The following USP19 variants were observed in gnomAD, a reference collection of about 807,000 sequenced individuals.
USP19 encodes the protein ubiquitin carboxyl-terminal hydrolase 19.
In USP19, 40 loss-of-function variants were observed where a neutral mutation model predicts 144.8. The observed-to-expected ratio is 0.28, with a 90% CI of 0.21 to 0.36. The LOEUF (loss-of-function observed/expected upper bound fraction) is 0.36, where lower values mean the gene tolerates loss of function less well. USP19 is among the 10% of genes least tolerant of loss of function. The pLI is 1.00. For missense variants in USP19, 1,518 were observed against 1,822.5 expected, an observed-to-expected ratio of 0.83 and a Z score of 3.04; for synonymous variants, 701 against 709.3, an observed-to-expected ratio of 0.99 and a Z score of 0.19.
In USP19 at chr3:49,108,404, G is replaced by A; in HGVS notation, c.*8C>T. The A allele has an allele frequency of 1.5e-6, 2 of 1,316,984 alleles. No individual in the cohort carries two copies. Among genetic ancestry groups the A allele is most frequent in the Non-Finnish European group, 2.0e-6 (2 of 989,424 alleles). The allele number at this position is 1,316,984 out of a possible 1,614,324, so 81.6% of individuals were successfully genotyped here. A position where few individuals can be genotyped will look rare whatever the true frequency, so the allele number is the denominator to read the frequency against. ...CAAACCCAGTCCCCCCCATCAGCCA[G>A]GGACCTGCTAATCCACCTCCTCCAT... On this transcript the variant is annotated 3_prime_UTR_variant, in exon 27 of 27. Transcript: ENST00000417901. This position sits in a 1 kb window ranked among gnomAD's most constrained non-coding sequence, Gnocchi z 4.8.
Position 49,111,587 on chromosome 3 carries a change from T to C in USP19, c.3130A>G (p.Thr1044Ala), listed in dbSNP as rs13321689. 7,392 of 1,613,040 alleles carry C rather than the reference T, an allele frequency of 4.6e-3. 283 individuals are homozygous for C. The African/African-American group carries it at 0.079, about 17-fold the overall frequency. The change falls in exon 21 of 27, where the codon ACC (threonine) becomes GCC (alanine). Residue 1044 changes from threonine (T) to alanine (A), a missense_variant. Thr to Ala is a moderately conservative substitution (Grantham distance 58). Coordinates refer to ENST00000417901, the MANE Select transcript of USP19 (RefSeq NM_001199161.2). The surrounding 1 kb of genome is among the most constrained non-coding windows in gnomAD (Gnocchi z 5.9). ...AGCATCTCAGAAGAAATTCCACTGG[T>C]GCTGGGCACAGGACCCCGGTCAGGG... ...AAPDRGPVPS[T>A]SGISSEMLAS...
intron 1 of USP19, among the ~76,000 whole-genome samples, chr3:49,119,812 C>T (rs1003260415): frequency 6.6e-6 from 1 of 152,180 alleles, no homozygotes; most frequent in East Asian, 1.9e-4. Context: ...CTGCCTCCTG[C>T]CAGCTCCCAC....
At chr3:49,118,903 CTCA>C in intron 2 of USP19, 116 bp downstream of exon 2, 1 of 1,478,556 alleles carries the variant, frequency 6.8e-7, no homozygotes, top group Admixed American at 2.0e-5. Flanking sequence ...TCCTTCTTCT[CTCA>C]TCATCAAACC....
chr3:49,112,352 C>T lies in USP19; in HGVS notation c.2697G>A (p.Arg899=). The T allele has an allele frequency of 6.2e-7, 1 of 1,614,056 alleles. No homozygotes were observed. The highest frequency in any genetic ancestry group is 8.5e-7 in the Non-Finnish European group (1 of 1,179,978). ...VPISKCAACQ[R]KQQSEDEKLK... is the part of the protein sequence containing the mutation. The stretch of plus-strand genomic sequence containing the variant: ...GCTTTTCATCCTCCGACTGTTGCTT[C>T]CGCTGGCAGGCTGCACACTTGGAGA... The change falls in exon 19 of 27, where the codon CGG becomes CGA. Residue 899 remains arginine, a synonymous_variant. Transcript: ENST00000417901. This position sits in a 1 kb window ranked among gnomAD's most constrained non-coding sequence, Gnocchi z 4.9.
Position 49,115,812 on chromosome 3 carries a change from G to C in USP19, c.1604C>G (p.Ala535Gly). 1 of 1,614,076 alleles carries C rather than the reference G, an allele frequency of 6.2e-7. No individual in the cohort carries two copies. The highest frequency in any genetic ancestry group is 1.3e-5 in the African/African-American group (1 of 75,050). Residue 535 changes from alanine to glycine, a missense_variant, in exon 11 of 27, where the codon GCA becomes GGA. This residue lies in a region of USP19 where 707 missense variants were observed against 728.9 expected (regional missense o/e 0.97). Coordinates refer to ENST00000417901, the MANE Select transcript of USP19 (RefSeq NM_001199161.2). This position sits in a 1 kb window ranked among gnomAD's most constrained non-coding sequence, Gnocchi z 6.6. ...GTCTAGCCCTGTGTCCTCAGATCGT[G>C]CCTTGGATTTATCCTTCTCCACAGC... is the stretch of plus-strand genomic sequence containing the variant. ...ARAVEKDKSK[A>G]RSEDTGLDSV...
chr3:49,118,892 G>C (rs1167155632), intron 2 of USP19, 130 bp downstream of exon 2: 2 of 1,406,990 alleles, frequency 1.4e-6, no homozygotes, highest in African/African-American at 2.9e-5. Context: ...GTTATCATGG[G>C]TCCTTCTTCT....
intron 26 of USP19, chr3:49,109,243 T>A: frequency 6.9e-7 from 1 of 1,446,778 alleles, no homozygotes; most frequent in Admixed American, 2.9e-5. Context: ...CCAGTGTCCC[T>A]GAGACCCTTA....
At position 49,108,395 on chromosome 3, in the gene USP19, C is replaced by CA. The variant is rs1559977429; in HGVS notation, c.*16dup. The CA allele has an allele frequency of 2.6e-6, 3 of 1,133,948 alleles. No homozygotes were observed. The highest frequency in any genetic ancestry group is 3.0e-5 in the Admixed American group (1 of 33,578). 70.2% of individuals were successfully genotyped at this position (1,133,948 alleles called of 1,614,324 possible). A position where few individuals can be genotyped will look rare whatever the true frequency, so the allele number is the denominator to read the frequency against. The stretch of plus-strand genomic sequence containing the variant: ...TGGGTGTCCCAAACCCAGTCCCCCC[C>CA]ATCAGCCAGGGACCTGCTAATCCAC... On this transcript the variant is annotated 3_prime_UTR_variant, in exon 27 of 27. Coordinates refer to ENST00000417901, the MANE Select transcript of USP19 (RefSeq NM_001199161.2). This position sits in a 1 kb window ranked among gnomAD's most constrained non-coding sequence, Gnocchi z 4.8.
Position 49,110,393 on chromosome 3 carries a change from G to C in USP19, c.3860-31C>G, listed in dbSNP as rs2042966432. Reference sequence around the variant, plus strand: ...GCAGGGTGGGAAGAGTGTGAACAAAGTCTGCACCACCACCCCTACCACCTA... The same window carrying C: ...GCAGGGTGGGAAGAGTGTGAACAAACTCTGCACCACCACCCCTACCACCTA... On this transcript the variant is annotated intron_variant, in intron 25 of 26. Coordinates refer to ENST00000417901, the MANE Select transcript of USP19 (RefSeq NM_001199161.2). This position sits in a 1 kb window ranked among gnomAD's most constrained non-coding sequence, Gnocchi z 6.1. 1.9e-6 allele frequency: 3 copies of C among 1,602,744 alleles called. No homozygotes were observed. The highest frequency in any genetic ancestry group is 1.7e-4 in the Middle Eastern group (1 of 6,010).
At chr3:49,109,367 G>GT (rs1466269084) in intron 26 of USP19, among the ~76,000 whole-genome samples, 1 of 151,872 alleles carries the variant, frequency 6.6e-6, no homozygotes, top group Non-Finnish European at 1.5e-5. Context: ...GAGCACAAGG[G>GT]TAAGAGAATC....
Position 49,114,460 on chromosome 3 carries a change from C to A in USP19, c.2293-176G>T, listed in dbSNP as rs1179150692. Among the ~76,000 whole-genome samples, 1 of 152,216 alleles carries A rather than the reference C, an allele frequency of 6.6e-6. No homozygotes were observed. The highest frequency in any genetic ancestry group is 1.5e-5 in the Non-Finnish European group (1 of 68,046). ...AGGAGGACCACCAGGAAATAACAAT[C>A]CTTCTTTCTGGCACTCAAAGCCCTA... On this transcript the variant is annotated intron_variant, in intron 15 of 26. Transcript: ENST00000417901. This position sits in a 1 kb window ranked among gnomAD's most constrained non-coding sequence, Gnocchi z 4.5.
rs2043275633 is a variant in USP19, at chr3:49,112,196, A to G, written c.2765+88T>C. The G allele has an allele frequency of 6.5e-7, 1 of 1,547,572 alleles. No individual in the cohort carries two copies. The highest frequency in any genetic ancestry group is 8.7e-7 in the Non-Finnish European group (1 of 1,144,798). On this transcript the variant is annotated intron_variant, in intron 19 of 26. Transcript: ENST00000417901. This position sits in a 1 kb window ranked among gnomAD's most constrained non-coding sequence, Gnocchi z 4.9. ...AGTAGGGTGGCAAGTAGAAAGCTTA[A>G]GCATATGTGCCTTGGTGTGAAGGGA... is the stretch of plus-strand genomic sequence containing the variant.
In USP19 at chr3:49,108,667, A is replaced by G; in HGVS notation, c.4039-139T>C. On this transcript the variant is annotated intron_variant, in intron 26 of 26. Coordinates refer to ENST00000417901, the MANE Select transcript of USP19 (RefSeq NM_001199161.2). This position sits in a 1 kb window ranked among gnomAD's most constrained non-coding sequence, Gnocchi z 4.8. ...ACAGCAGCGGCGTTGAGACAGAGAG[A>G]CGAGATTGGGCCTGAATAGTCTGGT... 7.8e-7 allele frequency: 1 copy of G among 1,286,926 alleles called. No individual in the cohort carries two copies. The highest frequency in any genetic ancestry group is 9.8e-7 in the Non-Finnish European group (1 of 1,016,660). 79.7% of individuals were successfully genotyped at this position (1,286,926 alleles called of 1,614,324 possible). A position where few individuals can be genotyped will look rare whatever the true frequency, so the allele number is the denominator to read the frequency against.
chr3:49,108,998 T>C lies in USP19; in HGVS notation c.4039-470A>G. ...CTGGGATACCAGAGGATAGAACACG[T>C]TGAGCACGAGGGCCACCAAAGCCGC... is the stretch of plus-strand genomic sequence containing the variant. On this transcript the variant is annotated intron_variant, in intron 26 of 26. Coordinates refer to ENST00000417901, the MANE Select transcript of USP19 (RefSeq NM_001199161.2). The surrounding 1 kb of genome is among the most constrained non-coding windows in gnomAD (Gnocchi z 4.8). 6.2e-7 allele frequency: 1 copy of C among 1,613,546 alleles called. No homozygotes were observed. Among genetic ancestry groups the C allele is most frequent in the Non-Finnish European group, 8.5e-7 (1 of 1,179,886 alleles).
intron 2 of USP19, among the ~76,000 whole-genome samples, chr3:49,118,667 G>A (rs2044604997): frequency 6.6e-6 from 1 of 151,568 alleles, no homozygotes; most frequent in Non-Finnish European, 1.5e-5. Flanking sequence ...ACAATCACCT[G>A]AACCAGGAGG....
Position 49,116,696 on chromosome 3 carries a change from T to G in USP19, c.1126+31A>C. ...CACCTACAAACTTTGCAACCCAACC[T>G]AGGGCTCTGCCTGCCCACCCCCACC... On this transcript the variant is annotated intron_variant, in intron 7 of 26. Coordinates refer to ENST00000417901, the MANE Select transcript of USP19 (RefSeq NM_001199161.2). The surrounding 1 kb of genome is among the most constrained non-coding windows in gnomAD (Gnocchi z 5.0). 6.2e-7 allele frequency: 1 copy of G among 1,607,504 alleles called. No homozygotes were observed. The highest frequency in any genetic ancestry group is 8.5e-7 in the Non-Finnish European group (1 of 1,176,122).
intron 1 of USP19, 84 bp from the exon 2 acceptor site, chr3:49,119,365 T>A: frequency 1.8e-6 from 1 of 550,524 alleles, no homozygotes; most frequent in South Asian, 2.4e-5. Context: ...CACAGGACAC[T>A]AATGCTACAG....
chr3:49,114,345 C>G lies in USP19; in HGVS notation c.2293-61G>C. 3 of 1,523,252 alleles carry G rather than the reference C, an allele frequency of 2.0e-6. No homozygotes were observed. Among genetic ancestry groups the G allele is most frequent in the Non-Finnish European group, 2.7e-6 (3 of 1,106,300 alleles). The allele number at this position is 1,523,252 out of a possible 1,614,324, so 94.4% of individuals were successfully genotyped here. On this transcript the variant is annotated intron_variant, in intron 15 of 26. Transcript: ENST00000417901. This position sits in a 1 kb window ranked among gnomAD's most constrained non-coding sequence, Gnocchi z 4.5. ...CAGAGTGGGAGATAAGATGCTCATG[C>G]TCAGAGAGCCCATTCCGGGGCTTCT...
rs1281659061 is a variant in USP19, at chr3:49,114,881, G to A, written c.2182-8C>T. 18 of 1,613,998 alleles carry A rather than the reference G, an allele frequency of 1.1e-5. No individual in the cohort carries two copies. The highest frequency in any genetic ancestry group is 1.4e-5 in the Non-Finnish European group (16 of 1,179,998). ...TGCTTCCTCAGCTACCACCTGAGAGGCAGAGTGGTGAGAACCAAAGAGTAC... is the reference window on the plus strand; with the variant it reads ...TGCTTCCTCAGCTACCACCTGAGAGACAGAGTGGTGAGAACCAAAGAGTAC... On this transcript the variant is annotated splice_polypyrimidine_tract_variant and splice_region_variant and intron_variant, in intron 14 of 26. Transcript: ENST00000417901. This position sits in a 1 kb window ranked among gnomAD's most constrained non-coding sequence, Gnocchi z 4.5.
Sources: allele counts gnomAD v4.1 joint callset (sites outside exome capture counted in the v4.1 genomes callset), GRCh38; gene constraint gnomAD v4.1.1; regional missense constraint gnomAD v4.1.1; non-coding constraint Gnocchi (gnomAD v3.1); transcripts MANE v1.5; gene names NCBI Gene and HGNC (gene_info 2026-07-23, HGNC 2026-07-21).